Variants in ZNF804B observed in about 807,000 individuals in gnomAD.
The protein encoded by ZNF804B is zinc finger protein 804B, also known as zinc finger 804B.
In ZNF804B, 80 loss-of-function variants were observed where a neutral mutation model predicts 101.4. That is an observed-to-expected ratio of 0.79 (90% confidence interval 0.66 to 0.95). ZNF804B has a LOEUF of 0.95. Among genes scored for constraint, ZNF804B ranks in the 40% least tolerant of loss-of-function variants. The pLI is 0.00. For synonymous variants in ZNF804B, 622 were observed against 558.8 expected (o/e 1.11, Z -1.59); for missense variants, 1,673 against 1,561.9 (o/e 1.07, Z -1.20).
intron 1 of ZNF804B, among the ~76,000 whole-genome samples, chr7:89,086,406 C>A (rs1037347926): frequency 2.0e-5 from 3 of 151,930 alleles, no homozygotes; most frequent in Non-Finnish European, 4.4e-5. Context: ...TATCTTTAAT[C>A]ATATCTCACT....
At chr7:89,106,609 C>T (rs111449810) in intron 1 of ZNF804B, among the ~76,000 whole-genome samples, 25 of 151,984 alleles carry the variant, frequency 1.6e-4, no homozygotes, top group Non-Finnish European at 3.5e-4. Context: ...TTAGAAGAAG[C>T]CATTCTTTAA....
At chr7:88,966,190 G>A (rs1284835880) in intron 1 of ZNF804B, among the ~76,000 whole-genome samples, 1 of 151,370 alleles carries the variant, frequency 6.6e-6, no homozygotes, top group Non-Finnish European at 1.5e-5. Flanking sequence ...AATTATATGT[G>A]TGTACAGATA....
chr7:88,823,367 A>G (rs577020927), intron 1 of ZNF804B, among the ~76,000 whole-genome samples: 9 of 152,342 alleles, frequency 5.9e-5, no homozygotes, highest in East Asian at 5.8e-4. Context: ...CAGCCTGGAC[A>G]GTAATTTTTC....
chr7:88,820,724 C>T (rs181358195), intron 1 of ZNF804B, among the ~76,000 whole-genome samples: 75 of 152,060 alleles, frequency 4.9e-4, no homozygotes, highest in Non-Finnish European at 5.9e-5. Flanking sequence ...GTTCTCACTG[C>T]CTGCAATTGA....
intron 1 of ZNF804B, among the ~76,000 whole-genome samples, chr7:89,210,103 A>G (rs1218165707): frequency 2.0e-5 from 3 of 151,734 alleles, no homozygotes; most frequent in African/African-American, 4.8e-5. Flanking sequence ...AGCTGAGATC[A>G]TGCCACTGTA....
At chr7:88,827,104 T>C (rs1462200986) in intron 1 of ZNF804B, among the ~76,000 whole-genome samples, 1 of 152,084 alleles carries the variant, frequency 6.6e-6, no homozygotes, top group African/African-American at 2.4e-5. Context: ...ATGGGCACTG[T>C]ATTCAAATAA....
At chr7:89,007,851 C>A (rs1788394051) in intron 1 of ZNF804B, among the ~76,000 whole-genome samples, 1 of 151,262 alleles carries the variant, frequency 6.6e-6, no homozygotes, top group African/African-American at 2.4e-5. Context: ...AGAACATAGG[C>A]TTCCATTAAG....
intron 1 of ZNF804B, among the ~76,000 whole-genome samples, chr7:88,816,774 T>C (rs13242847): frequency 0.35 from 41,796 of 118,058 alleles, 8,613 homozygotes; most frequent in East Asian, 0.78. Context: ...AACACTTTTA[T>C]GCTGTTGGTG....
Position 89,080,681 on chromosome 7 carries a change from A to G in ZNF804B, c.109-137474A>G, listed in dbSNP as rs1399420802. 2.0e-5 allele frequency among the ~76,000 whole-genome samples: 3 copies of G among 152,100 alleles called. No homozygotes were observed. In the East Asian group the frequency reaches 5.8e-4, roughly 29 times the overall value. On this transcript the variant is annotated intron_variant, in intron 1 of 3. Transcript: ENST00000333190. ...GGAAGAGTCCCTTTCACTGGTGAAC[A>G]TAGTGAACTATTCAGTTCTGCCTCA...
chr7:88,934,560 T>C (rs1792938379), intron 1 of ZNF804B, among the ~76,000 whole-genome samples: 1 of 150,992 alleles, frequency 6.6e-6, no homozygotes, highest in Non-Finnish European at 1.5e-5. Context: ...AAAAAAATAA[T>C]CCCATCAAAC....
chr7:89,093,492 T>C (rs962113716), intron 1 of ZNF804B, among the ~76,000 whole-genome samples: 1 of 152,238 alleles, frequency 6.6e-6, no homozygotes, highest in Non-Finnish European at 1.5e-5. Flanking sequence ...GTTCACTCTT[T>C]GTGTTTTAAA....
At chr7:89,010,886 A>T (rs978851074) in intron 1 of ZNF804B, among the ~76,000 whole-genome samples, 3 of 152,238 alleles carry the variant, frequency 2.0e-5, no homozygotes, top group African/African-American at 7.2e-5. Flanking sequence ...GTGTTCCTAC[A>T]CAGGAAAAGT....
chr7:89,125,089 A>G (rs539459762), intron 1 of ZNF804B, among the ~76,000 whole-genome samples: 1 of 151,360 alleles, frequency 6.6e-6, no homozygotes, highest in Non-Finnish European at 1.5e-5. Context: ...TCAATATGAC[A>G]GATGTCAAGG....
intron 2 of ZNF804B, among the ~76,000 whole-genome samples, chr7:89,231,421 A>G (rs1460546759): frequency 6.6e-6 from 1 of 152,058 alleles, no homozygotes; most frequent in Non-Finnish European, 1.5e-5. Context: ...AACAATTGTC[A>G]TAGCGATTCT....
At chr7:88,900,999 A>G (rs2115952831) in intron 1 of ZNF804B, among the ~76,000 whole-genome samples, 1 of 151,914 alleles carries the variant, frequency 6.6e-6, no homozygotes, top group Admixed American at 6.6e-5. Flanking sequence ...CCTATTTTCA[A>G]TATAGCATTT....
chr7:89,091,874 T>C (rs548925227), intron 1 of ZNF804B, among the ~76,000 whole-genome samples: 1 of 152,298 alleles, frequency 6.6e-6, no homozygotes, highest in South Asian at 2.1e-4. Flanking sequence ...TTTACCTCCT[T>C]GAGAAGGCAG....
intron 1 of ZNF804B, among the ~76,000 whole-genome samples, chr7:89,162,797 C>T (rs1265095485): frequency 9.0e-6 from 1 of 110,946 alleles, no homozygotes; most frequent in Non-Finnish European, 1.9e-5. Flanking sequence ...AATGCCATCC[C>T]TCCCCCCTCC....
At chr7:88,939,824 TAGAC>T (rs1364963446) in intron 1 of ZNF804B, among the ~76,000 whole-genome samples, 4 of 151,540 alleles carry the variant, frequency 2.6e-5, no homozygotes, top group East Asian at 1.9e-4. Context: ...TATGAAATAA[TAGAC>T]AGCACATTTC....
intron 1 of ZNF804B, among the ~76,000 whole-genome samples, chr7:88,765,366 T>G (rs895547740): frequency 6.6e-6 from 1 of 152,108 alleles, no homozygotes. Flanking sequence ...ATTTGTGACT[T>G]AAAAGAAAAC....
Sources: allele counts gnomAD v4.1 joint callset (sites outside exome capture counted in the v4.1 genomes callset), GRCh38; gene constraint gnomAD v4.1.1; transcripts MANE v1.5; gene names NCBI Gene and HGNC (gene_info 2026-07-23, HGNC 2026-07-21).